Variants in GPM6A observed in about 807,000 individuals in gnomAD.
GPM6A encodes the protein glycoprotein M6A, also known as neuronal membrane glycoprotein M6-a.
A neutral mutation model predicts 32.1 loss-of-function variants in GPM6A; 7 were observed. The ratio of observed to expected loss-of-function variants is 0.22; its 90% confidence interval spans 0.12 to 0.41. The LOEUF is 0.41. GPM6A is among the 10% of genes least tolerant of loss of function. The pLI is 1.00. For synonymous variants in GPM6A, 130 were observed against 123.4 expected (o/e 1.05, Z -0.35); for missense variants, 235 against 347.2 (o/e 0.68, Z 2.57).
chr4:175,780,476 A>G (rs1254659856), intron 1 of GPM6A, among the ~76,000 whole-genome samples: 1 of 152,202 alleles, frequency 6.6e-6, no homozygotes, highest in Non-Finnish European at 1.5e-5. Flanking sequence ...CACAGAGTAG[A>G]CACTCAATAA....
chr4:175,692,820 A>T (rs1744370693), intron 2 of GPM6A, among the ~76,000 whole-genome samples: 1 of 152,108 alleles, frequency 6.6e-6, no homozygotes, highest in South Asian at 2.1e-4. Flanking sequence ...TTTTTAATGC[A>T]CCTGAAAAAT....
chr4:175,989,273 TAAGA>T (rs913393210), intron 1 of GPM6A, among the ~76,000 whole-genome samples: 5 of 152,174 alleles, frequency 3.3e-5, no homozygotes, highest in African/African-American at 1.2e-4. Context: ...ATGTAAAAGA[TAAGA>T]GAGAACTGAA....
At chr4:175,909,042 CG>C (rs57343227) in intron 1 of GPM6A, among the ~76,000 whole-genome samples, 9 of 56,634 alleles carry the variant, frequency 1.6e-4, no homozygotes, top group African/African-American at 5.7e-4. Context: ...AAAAAAAGGG[CG>C]GGGGGGGGGC....
At chr4:175,818,206 G>C (rs1355648245) in intron 1 of GPM6A, among the ~76,000 whole-genome samples, 26 of 152,270 alleles carry the variant, frequency 1.7e-4, no homozygotes, top group Admixed American at 1.3e-4. Flanking sequence ...TCCCCCTGCT[G>C]TTCATTCATT....
chr4:175,766,068 T>C (rs1330743311), intron 1 of GPM6A, among the ~76,000 whole-genome samples: 2 of 152,218 alleles, frequency 1.3e-5, no homozygotes, highest in African/African-American at 2.4e-5. Context: ...CTGCATTGTT[T>C]GGGCCTGCTT....
chr4:175,906,491 T>C (rs910915633), intron 1 of GPM6A, among the ~76,000 whole-genome samples: 6 of 152,092 alleles, frequency 3.9e-5, no homozygotes, highest in African/African-American at 9.7e-5. Context: ...CAAACTCCAG[T>C]GCTCTTATTT....
chr4:175,991,404 T>C (rs558927357), intron 1 of GPM6A, among the ~76,000 whole-genome samples: 81 of 152,138 alleles, frequency 5.3e-4, no homozygotes, highest in South Asian at 1.5e-3. Context: ...GAAAAAAATA[T>C]GTAAAACAGT....
At chr4:175,971,480 G>A (rs1442168582) in intron 1 of GPM6A, among the ~76,000 whole-genome samples, 9 of 152,056 alleles carry the variant, frequency 5.9e-5, no homozygotes, top group Admixed American at 4.6e-4. Flanking sequence ...GTAAAAATTA[G>A]AACCAAACAC....
chr4:175,964,836 G>A (rs892246663), intron 1 of GPM6A, among the ~76,000 whole-genome samples: 3 of 152,304 alleles, frequency 2.0e-5, no homozygotes, highest in Admixed American at 6.5e-5. Context: ...CGGATAAAGA[G>A]AGGCACTACA....
intron 1 of GPM6A, among the ~76,000 whole-genome samples, chr4:175,999,307 A>T (rs890203369): frequency 1.3e-5 from 2 of 152,176 alleles, no homozygotes; most frequent in African/African-American, 4.8e-5. Context: ...CGCAGGTTAA[A>T]GTTCATCTTA....
chr4:175,956,778 C>T (rs1320654027), intron 1 of GPM6A, among the ~76,000 whole-genome samples: 2 of 151,690 alleles, frequency 1.3e-5, no homozygotes, highest in Non-Finnish European at 2.9e-5. Flanking sequence ...AATTTTAATC[C>T]CAATTGTATT....
intron 1 of GPM6A, among the ~76,000 whole-genome samples, chr4:175,997,334 C>T (rs1204848231): frequency 1.3e-5 from 2 of 152,282 alleles, no homozygotes; most frequent in African/African-American, 2.4e-5. Flanking sequence ...TCTTATCAGA[C>T]TTTGTGATTT....
At chr4:175,960,723 G>A (rs1740137599) in intron 1 of GPM6A, 1 of 152,070 alleles carries the variant, frequency 6.6e-6, no homozygotes, top group Non-Finnish European at 1.5e-5. Context: ...ACTAGCTTCT[G>A]ACCCTAAATA....
intron 1 of GPM6A, among the ~76,000 whole-genome samples, chr4:175,764,322 C>CAA (rs773492112): frequency 2.6e-5 from 4 of 152,154 alleles, no homozygotes; most frequent in Non-Finnish European, 4.4e-5. Context: ...CAAGATTTAT[C>CAA]CATGTTGTAG....
intron 1 of GPM6A, among the ~76,000 whole-genome samples, chr4:175,716,075 G>T (rs920678260): frequency 1.3e-5 from 2 of 152,118 alleles, no homozygotes; most frequent in East Asian, 3.9e-4. Flanking sequence ...AAACAAAAAA[G>T]AATTTGTATT....
intron 1 of GPM6A, among the ~76,000 whole-genome samples, chr4:175,790,136 T>C (rs576631056): frequency 3.3e-5 from 5 of 152,318 alleles, no homozygotes; most frequent in Non-Finnish European, 7.4e-5. Flanking sequence ...TAATAGCACA[T>C]TCAAGGCAAT....
intron 2 of GPM6A, among the ~76,000 whole-genome samples, chr4:175,685,289 A>G (rs1743916786): frequency 6.6e-6 from 1 of 152,208 alleles, no homozygotes; most frequent in South Asian, 2.1e-4. Flanking sequence ...TCTATTCATT[A>G]ATTTTGAGAG....
chr4:175,817,541 T>C (rs886764073), intron 1 of GPM6A, among the ~76,000 whole-genome samples: 2 of 152,168 alleles, frequency 1.3e-5, no homozygotes, highest in Admixed American at 1.3e-4. Flanking sequence ...CTATATTTAG[T>C]TTTGATAGTT....
chr4:175,639,153 G>T (rs1008520095), intron 6 of GPM6A, among the ~76,000 whole-genome samples: 1 of 152,020 alleles, frequency 6.6e-6, no homozygotes, highest in Admixed American at 6.6e-5. Flanking sequence ...GAATATATAT[G>T]TAAGTCATTT....
Sources: gnomAD v4.1 joint callset for allele counts (sites outside exome capture counted in the v4.1 genomes callset) on GRCh38, gnomAD v4.1.1 for gene constraint, MANE v1.5 for transcripts, NCBI Gene and HGNC (gene_info 2026-07-23, HGNC 2026-07-21) for gene names.